Variants in SCHIP1 observed in about 807,000 individuals in gnomAD.
SCHIP1 encodes the protein schwannomin interacting protein 1.
Under a neutral mutation model 29.7 loss-of-function variants are expected in SCHIP1, and 8 were observed. The observed-to-expected ratio is 0.27, with a 90% CI of 0.16 to 0.49. The LOEUF (loss-of-function observed/expected upper bound fraction) is 0.49. SCHIP1 is among the 20% of genes least tolerant of loss of function. The probability of loss-of-function intolerance (pLI) is 0.99; values close to 1 mark genes in which losing one functional copy is unlikely to be tolerated. For synonymous variants in SCHIP1, 76 were observed against 94.9 expected (o/e 0.80, Z 1.16); for missense variants, 193 against 294.6 (o/e 0.66, Z 2.52).
At chr3:159,779,852 C>G in the SCHIP1 span, among the ~76,000 whole-genome samples, 1 of 151,978 alleles carries the variant, frequency 6.6e-6, no homozygotes, top group East Asian at 1.9e-4. Flanking sequence ...TTTTCTGGAC[C>G]ACAGTAATTT....
chr3:159,573,955 T>C, the SCHIP1 span, among the ~76,000 whole-genome samples: 1 of 152,244 alleles, frequency 6.6e-6, no homozygotes, highest in Non-Finnish European at 1.5e-5. Context: ...GGTTTTCAGC[T>C]CCATCAGGTC....
the SCHIP1 span, among the ~76,000 whole-genome samples, chr3:159,318,151 A>T: frequency 6.6e-6 from 1 of 152,166 alleles, no homozygotes; most frequent in African/African-American, 2.4e-5. Context: ...CTGTGGAAAG[A>T]GGCTGAGTGG....
chr3:159,340,734 C>T, the SCHIP1 span, among the ~76,000 whole-genome samples: 1 of 152,110 alleles, frequency 6.6e-6, no homozygotes, highest in African/African-American at 2.4e-5. Context: ...TTGACTGTTT[C>T]CTCTCTTGGC....
At chr3:159,534,683 A>G in the SCHIP1 span, among the ~76,000 whole-genome samples, 2 of 152,170 alleles carry the variant, frequency 1.3e-5, no homozygotes, top group Admixed American at 6.5e-5. Context: ...AGAAACAGTC[A>G]CACCTAACTG....
At chr3:159,374,483 T>G in the SCHIP1 span, among the ~76,000 whole-genome samples, 1 of 152,140 alleles carries the variant, frequency 6.6e-6, no homozygotes, top group African/African-American at 2.4e-5. Flanking sequence ...AAAGCTTTTG[T>G]TTTTCTTCGG....
the SCHIP1 span, among the ~76,000 whole-genome samples, chr3:159,704,816 T>C: frequency 6.6e-6 from 1 of 152,154 alleles, no homozygotes; most frequent in Non-Finnish European, 1.5e-5. Context: ...ATATTTTCTT[T>C]CTTTCTTTCT....
At chr3:159,766,716 A>G in the SCHIP1 span, among the ~76,000 whole-genome samples, 3 of 152,272 alleles carry the variant, frequency 2.0e-5, no homozygotes, top group Non-Finnish European at 4.4e-5. Context: ...GCACCCATGT[A>G]TGTGCTGTGT....
chr3:159,699,135 T>G, the SCHIP1 span, among the ~76,000 whole-genome samples: 1 of 152,248 alleles, frequency 6.6e-6, no homozygotes, highest in Non-Finnish European at 1.5e-5. Context: ...GAACATAGCA[T>G]GAGTATGGGA....
chr3:159,424,781 C>T, the SCHIP1 span, among the ~76,000 whole-genome samples: 1 of 152,026 alleles, frequency 6.6e-6, no homozygotes, highest in African/African-American at 2.4e-5. Context: ...ATGTTAAGGG[C>T]AGCCAGAGAG....
At chr3:159,293,837 C>T in the SCHIP1 span, among the ~76,000 whole-genome samples, 1 of 152,068 alleles carries the variant, frequency 6.6e-6, no homozygotes, top group Non-Finnish European at 1.5e-5. Flanking sequence ...GGAAACAGAG[C>T]ACACACAACT....
chr3:159,602,969 G>A, the SCHIP1 span, among the ~76,000 whole-genome samples: 5 of 152,068 alleles, frequency 3.3e-5, no homozygotes, highest in Non-Finnish European at 5.9e-5. Flanking sequence ...CAGAATGAGG[G>A]CTCAATGCCA....
chr3:159,345,236 A>C, the SCHIP1 span, among the ~76,000 whole-genome samples: 1 of 151,854 alleles, frequency 6.6e-6, no homozygotes, highest in Admixed American at 6.6e-5. Context: ...CAAAAAAAAA[A>C]AAAAAAGAAA....
At chr3:159,775,092 T>C in the SCHIP1 span, among the ~76,000 whole-genome samples, 1 of 152,246 alleles carries the variant, frequency 6.6e-6, no homozygotes, top group African/African-American at 2.4e-5. Flanking sequence ...CAAGAAGCAG[T>C]GCATTAGTCT....
chr3:159,405,881 A>C, the SCHIP1 span, among the ~76,000 whole-genome samples: 1 of 105,810 alleles, frequency 9.5e-6, no homozygotes, highest in Non-Finnish European at 1.7e-5. Context: ...AGACTCTGTC[A>C]AAAAAAAAAA....
At chr3:159,487,417 G>C in the SCHIP1 span, among the ~76,000 whole-genome samples, 2 of 152,018 alleles carry the variant, frequency 1.3e-5, no homozygotes, top group African/African-American at 4.8e-5. Context: ...ACATTGGTCT[G>C]GACCCTCTTT....
the SCHIP1 span, among the ~76,000 whole-genome samples, chr3:159,441,748 T>G: frequency 1.3e-5 from 2 of 152,054 alleles, no homozygotes; most frequent in Non-Finnish European, 2.9e-5. Context: ...AGGGAAGAAT[T>G]GAGTCTGGCT....
chr3:159,613,332 A>G, the SCHIP1 span, among the ~76,000 whole-genome samples: 5 of 152,232 alleles, frequency 3.3e-5, no homozygotes, highest in African/African-American at 1.2e-4. Context: ...ATATTGAAGT[A>G]GACACTTCAT....
chr3:159,869,140 A>G (rs1714962508), intron 2 of SCHIP1, among the ~76,000 whole-genome samples: 1 of 152,024 alleles, frequency 6.6e-6, no homozygotes, highest in African/African-American at 2.4e-5. Context: ...CATGATACTA[A>G]TCCTTAATAC....
At chr3:159,707,504 T>C in the SCHIP1 span, among the ~76,000 whole-genome samples, 3 of 152,176 alleles carry the variant, frequency 2.0e-5, no homozygotes, top group Admixed American at 6.5e-5. Context: ...TAAATGGACA[T>C]GAAATGACAA....
Sources: allele counts gnomAD v4.1 joint callset (sites outside exome capture counted in the v4.1 genomes callset), GRCh38; gene constraint gnomAD v4.1.1; transcripts MANE v1.5; gene names NCBI Gene and HGNC (gene_info 2026-07-23, HGNC 2026-07-21).